CNR1: variants seen among roughly 807,000 people sequenced by gnomAD.
CNR1 encodes cannabinoid receptor 1 (brain).
CNR1 carries 10 observed loss-of-function variants against 23.0 expected under a neutral mutation model. That is an observed-to-expected ratio of 0.43 (90% CI 0.27 to 0.74). CNR1 has a LOEUF of 0.74. Ranked by LOEUF, CNR1 falls within the 30% of genes least tolerant of loss-of-function variation. CNR1 has a pLI of 0.19. For missense variants in CNR1, 422 were observed against 618.8 expected (o/e 0.68, Z 3.37); for synonymous variants, 271 against 255.2 (o/e 1.06, Z -0.59).
At chr6:88,159,874 A>G (rs1452543569) in intron 1 of CNR1, among the ~76,000 whole-genome samples, 1 of 152,258 alleles carries the variant, frequency 6.6e-6, no homozygotes, top group Non-Finnish European at 1.5e-5. Flanking sequence ...TACTCAGATC[A>G]TAGTGGCATT....
At chr6:88,151,041 G>C (rs762662109) in intron 1 of CNR1, among the ~76,000 whole-genome samples, 30 of 152,098 alleles carry the variant, frequency 2.0e-4, no homozygotes, top group Non-Finnish European at 3.5e-4. Context: ...TAAGCATATA[G>C]AGAGAGCTTC....
chr6:88,144,573 C>G lies in CNR1; in HGVS notation c.702G>C (p.Val234=), dbSNP rs1291143537. Residue 234 remains valine (V), a synonymous_variant, in exon 2 of 2, where the codon GTG becomes GTC. Transcript: ENST00000369501. The surrounding 1 kb of genome is among the most constrained non-coding windows in gnomAD (Gnocchi z 7.8). ...YKRIVTRPKA[V]VAFCLMWTIA... is the part of the protein sequence containing the mutation. ...TGGTCCACATCAGGCAAAACGCCAC[C>G]ACGGCCTTGGGCCTGGTGACAATCC... The G allele has an allele frequency of 6.2e-7, 1 of 1,614,102 alleles. No homozygotes were observed. Among genetic ancestry groups the G allele is most frequent in the African/African-American group, 1.3e-5 (1 of 74,948 alleles).
intron 1 of CNR1, among the ~76,000 whole-genome samples, chr6:88,155,852 G>C (rs909533534): frequency 1.3e-5 from 2 of 152,166 alleles, no homozygotes; most frequent in African/African-American, 4.8e-5. Flanking sequence ...AGTAAGGGAA[G>C]GTGTTTTTTT....
In CNR1 at chr6:88,140,020, G is replaced by A. The variant is rs1397871025; in HGVS notation, c.*3836C>T. On this transcript the variant is annotated 3_prime_UTR_variant, in exon 2 of 2. Coordinates refer to ENST00000369501, the MANE Select transcript of CNR1 (RefSeq NM_016083.6). ...TTAATACATTGTAAATATTACAGAA[G>A]AAGTACTACTTTGCTATAGTAATTT... 2 of 152,634 alleles carry A rather than the reference G, an allele frequency of 1.3e-5. No homozygotes were observed. Among genetic ancestry groups the A allele is most frequent in the Non-Finnish European group, 2.9e-5 (2 of 68,020 alleles). The allele number at this position is 152,634 out of a possible 1,614,324, so 9.5% of individuals were successfully genotyped here. A position where few individuals can be genotyped will look rare whatever the true frequency, so the allele number is the denominator to read the frequency against.
intron 1 of CNR1, among the ~76,000 whole-genome samples, chr6:88,154,168 C>A (rs1427476142): frequency 6.6e-6 from 1 of 152,126 alleles, no homozygotes; most frequent in Admixed American, 6.5e-5. Flanking sequence ...ACCATTTTCT[C>A]TAGTCTATTC....
chr6:88,148,354 C>T (rs1009749751), intron 1 of CNR1, among the ~76,000 whole-genome samples: 8 of 152,236 alleles, frequency 5.3e-5, no homozygotes, highest in African/African-American at 1.9e-4. Context: ...TACTTCCTCC[C>T]ACCCACTAGA....
chr6:88,157,711 T>C (rs577077708), intron 1 of CNR1, among the ~76,000 whole-genome samples: 13 of 152,268 alleles, frequency 8.5e-5, no homozygotes, highest in South Asian at 4.1e-4. Flanking sequence ...CAATCAATAT[T>C]AATAACCAAC....
intron 1 of CNR1, among the ~76,000 whole-genome samples, chr6:88,162,680 T>C (rs931761689): frequency 6.6e-6 from 1 of 152,244 alleles, no homozygotes; most frequent in Non-Finnish European, 1.5e-5. Flanking sequence ...CAACACAAAG[T>C]ATATAAACTG....
chr6:88,145,030 T>C lies in CNR1; in HGVS notation c.245A>G (p.Tyr82Cys). Residue 82 changes from tyrosine to cysteine, a missense_variant, in exon 2 of 2, where the codon TAC becomes TGC. Around this residue, in one of 4 missense-constraint regions of CNR1, gnomAD observed 120 missense variants for 117.6 expected, o/e 1.02. Coordinates refer to ENST00000369501, the MANE Select transcript of CNR1 (RefSeq NM_016083.6). ...CTTGAAGGACGAGAGAGACTTGTTG[T>C]AAAATTCTGTAATGTTCACCTGGTC... The part of the protein sequence containing the change: ...PADQVNITEF[Y>C]NKSLSSFKEN... 1 of 1,614,132 alleles carries C rather than the reference T, an allele frequency of 6.2e-7. No individual in the cohort carries two copies. Among genetic ancestry groups the C allele is most frequent in the Middle Eastern group, 1.6e-4 (1 of 6,062 alleles).
chr6:88,153,170 A>C (rs972845359), intron 1 of CNR1, among the ~76,000 whole-genome samples: 3 of 152,126 alleles, frequency 2.0e-5, no homozygotes, highest in African/African-American at 7.2e-5. Context: ...CTTTTTGTCT[A>C]TTTCTCTGTA....
chr6:88,152,437 CAT>C (rs1247402411), intron 1 of CNR1, among the ~76,000 whole-genome samples: 2 of 152,228 alleles, frequency 1.3e-5, no homozygotes, highest in Admixed American at 6.5e-5. Context: ...ATGCAAAAAA[CAT>C]GTTTCTGTGA....
intron 1 of CNR1, among the ~76,000 whole-genome samples, chr6:88,161,567 CT>C (rs1467581049): frequency 6.6e-6 from 1 of 152,144 alleles, no homozygotes; most frequent in Non-Finnish European, 1.5e-5. Context: ...AAAAAATATA[CT>C]TTTTTTCATT....
chr6:88,164,840 T>C (rs1778288709), intron 1 of CNR1, among the ~76,000 whole-genome samples: 1 of 152,152 alleles, frequency 6.6e-6, no homozygotes, highest in Admixed American at 6.5e-5. Flanking sequence ...ATTAACTTGG[T>C]AATAAAAATG....
At chr6:88,167,164 G>C (rs1202044090), upstream of CNR1, among the ~76,000 whole-genome samples, 1 of 151,822 alleles carries the variant, frequency 6.6e-6, no homozygotes, top group East Asian at 2.0e-4. Flanking sequence ...CCCCTCCCCG[G>C]CCACCCGGGG....
chr6:88,166,680 G>A (rs1434238681), upstream of CNR1, among the ~76,000 whole-genome samples: 1 of 152,180 alleles, frequency 6.6e-6, no homozygotes, highest in African/African-American at 2.4e-5. Context: ...AGGCCAAGAA[G>A]GGGCTGGTGC....
Position 88,144,721 on chromosome 6 carries a change from C to T in CNR1, c.554G>A (p.Ser185Asn), listed in dbSNP as rs757730631. ...CAGTTTGAACAGAAACACGTTGCGG[C>T]TATCTTTGCGGTGGAACACGTGGAA... ...IDFHVFHRKD[S>N]RNVFLFKLGG... The change falls in exon 2 of 2, where the codon AGC becomes AAC. Residue 185 changes from serine (S) to asparagine (N), a missense_variant. By Grantham distance (46) the Ser-to-Asn change is conservative. Coordinates refer to ENST00000369501, the MANE Select transcript of CNR1 (RefSeq NM_016083.6). This position sits in a 1 kb window ranked among gnomAD's most constrained non-coding sequence, Gnocchi z 7.8. 11 of 1,614,152 alleles carry T rather than the reference C, an allele frequency of 6.8e-6. No individual in the cohort carries two copies. The highest frequency in any genetic ancestry group is 8.5e-6 in the Non-Finnish European group (10 of 1,180,034).
At position 88,141,059 on chromosome 6, in the gene CNR1, T is replaced by C. The variant is rs561930205; in HGVS notation, c.*2797A>G. 6.6e-6 allele frequency: 1 copy of C among 152,460 alleles called. No individual in the cohort carries two copies. Among genetic ancestry groups the C allele is most frequent in the East Asian group, 1.9e-4 (1 of 5,330 alleles). 9.4% of individuals were successfully genotyped at this position (152,460 alleles called of 1,614,324 possible). A position where few individuals can be genotyped will look rare whatever the true frequency, so the allele number is the denominator to read the frequency against. ...CATGGTCAGGGCAAGTACATCATCC[T>C]CAGAGGAAAGTAAGATACCTCTGAT... On this transcript the variant is annotated 3_prime_UTR_variant, in exon 2 of 2. Transcript: ENST00000369501.
chr6:88,163,396 G>A (rs977536087), intron 1 of CNR1, among the ~76,000 whole-genome samples: 3 of 152,224 alleles, frequency 2.0e-5, no homozygotes, highest in East Asian at 3.8e-4. Context: ...TTTGGTAAGC[G>A]TGGTGAACTA....
In CNR1 at chr6:88,143,741, T is replaced by G; in HGVS notation, c.*115A>C. 1.3e-6 allele frequency: 1 copy of G among 756,510 alleles called. No homozygotes were observed. Among genetic ancestry groups the G allele is most frequent in the East Asian group, 2.4e-5 (1 of 40,862 alleles). The allele number at this position is 756,510 out of a possible 1,614,324, so 46.9% of individuals were successfully genotyped here. A position where few individuals can be genotyped will look rare whatever the true frequency, so the allele number is the denominator to read the frequency against. Reference sequence around the variant, plus strand: ...ATAAGTGATCATGGTGACAATCACCTTTTCATTGAGCATGGTAAAGTTAAA... The same window carrying G: ...ATAAGTGATCATGGTGACAATCACCGTTTCATTGAGCATGGTAAAGTTAAA... On this transcript the variant is annotated 3_prime_UTR_variant, in exon 2 of 2. Transcript: ENST00000369501.
Sources: gnomAD v4.1 joint callset for allele counts (sites outside exome capture counted in the v4.1 genomes callset) on GRCh38, gnomAD v4.1.1 for gene constraint, gnomAD v4.1.1 regional missense constraint, Gnocchi (gnomAD v3.1) non-coding constraint, MANE v1.5 for transcripts, NCBI Gene and HGNC (gene_info 2026-07-23, HGNC 2026-07-21) for gene names.